SSBP4: variants seen among roughly 807,000 people sequenced by gnomAD.
SSBP4 encodes the protein single-stranded DNA-binding protein 4.
A neutral mutation model predicts 64.6 loss-of-function variants in SSBP4; 33 were observed. That is an observed-to-expected ratio of 0.51 (90% CI 0.39 to 0.68). The LOEUF is 0.68. Ranked by LOEUF, SSBP4 falls within the 30% of genes least tolerant of loss-of-function variation. SSBP4 has a pLI of 0.00. For synonymous variants in SSBP4, 243 were observed against 224.0 expected (o/e 1.08, Z -0.76); for missense variants, 583 against 566.8 (o/e 1.03, Z -0.29).
Position 18,423,562 on chromosome 19 carries a change from G to A in SSBP4, c.60-3789G>A, listed in dbSNP as rs948459172. Among the ~76,000 whole-genome samples the A allele has an allele frequency of 2.0e-5, 3 of 152,178 alleles. No homozygotes were observed. The highest frequency in any genetic ancestry group is 7.2e-5 in the African/African-American group (3 of 41,428). Reference sequence around the variant, plus strand: ...CCCAGCAGCATCTGTGTCTAGGAAGGCGCTGAGCAGGGAGCATCCATTGCA... The same window carrying A: ...CCCAGCAGCATCTGTGTCTAGGAAGACGCTGAGCAGGGAGCATCCATTGCA... On this transcript the variant is annotated intron_variant, in intron 1 of 17. Transcript: ENST00000270061. This position sits in a 1 kb window ranked among gnomAD's most constrained non-coding sequence, Gnocchi z 4.0.
At chr19:18,407,548 C>T in the SSBP4 span, among the ~76,000 whole-genome samples, 3 of 151,984 alleles carry the variant, frequency 2.0e-5, no homozygotes, top group Non-Finnish European at 4.4e-5. Context: ...TCCCAAGTAG[C>T]TGGGACTAGA....
chr19:18,419,615 G>T lies in SSBP4; in HGVS notation c.-34G>T. 7.9e-7 allele frequency: 1 copy of T among 1,262,310 alleles called. No individual in the cohort carries two copies. The highest frequency in any genetic ancestry group is 1.0e-6 in the Non-Finnish European group (1 of 998,490). 78.2% of individuals were successfully genotyped at this position (1,262,310 alleles called of 1,614,324 possible). ...GCGCGGCCCGCGGCGCCGCCTGACA[G>T]GTGTGGGCCCCGGCGGCGGCGGCGT... On this transcript the variant is annotated 5_prime_UTR_variant, in exon 1 of 18. The change creates a new upstream start codon in the 5' untranslated region. Coordinates refer to ENST00000270061, the MANE Select transcript of SSBP4 (RefSeq NM_032627.5).
the SSBP4 span, among the ~76,000 whole-genome samples, chr19:18,411,336 A>G: frequency 6.1e-5 from 9 of 147,092 alleles, no homozygotes; most frequent in Non-Finnish European, 1.1e-4. Flanking sequence ...CTACTAAAAA[A>G]ATACAAAAAG....
chr19:18,428,698 C>A (rs552759947), intron 4 of SSBP4, among the ~76,000 whole-genome samples: 13 of 152,158 alleles, frequency 8.5e-5, no homozygotes, highest in Non-Finnish European at 1.3e-4. Context: ...CCCCCTACCC[C>A]CTGTGCGCCA....
Position 18,433,743 on chromosome 19 carries a change from GC to G in SSBP4, c.1058del (p.Pro353ArgfsTer29). 2 of 1,435,072 alleles carry G rather than the reference GC, an allele frequency of 1.4e-6. No homozygotes were observed. Among genetic ancestry groups the G allele is most frequent in the South Asian group, 1.4e-5 (1 of 71,570 alleles). The allele number at this position is 1,435,072 out of a possible 1,614,324, so 88.9% of individuals were successfully genotyped here. On this transcript the variant is annotated frameshift_variant, in exon 17 of 18. Coordinates refer to ENST00000270061, the MANE Select transcript of SSBP4 (RefSeq NM_032627.5). LOFTEE classifies it high-confidence loss of function. ...CGGCGCCGTGGCCGGCCTGAGCAAC[GC>G]CCCGGGCACCCCGCGGGACGACGGC... The part of the protein sequence containing the change: ...SPGAVAGLSN[A>X]PGTPRDDGEM...
Position 18,419,702 on chromosome 19 carries a change from C to G in SSBP4, c.54C>G (p.Arg18=). The change falls in exon 1 of 18, where the codon CGC becomes CGG. Residue 18 remains arginine (R), a synonymous_variant. Transcript: ENST00000270061. ...CCGTGCCCTCCGACAGCCAGGCCCG[C>G]GAGAAGTGAGTGCGGGGCCGGGGGC... The part of the protein sequence containing the change: ...GSAVPSDSQA[R]EKLALYVYEY... 8.5e-7 allele frequency: 1 copy of G among 1,175,862 alleles called. No homozygotes were observed. Among genetic ancestry groups the G allele is most frequent in the Non-Finnish European group, 1.1e-6 (1 of 950,430 alleles). 72.8% of individuals were successfully genotyped at this position (1,175,862 alleles called of 1,614,324 possible). A position where few individuals can be genotyped will look rare whatever the true frequency, so the allele number is the denominator to read the frequency against.
the SSBP4 span, among the ~76,000 whole-genome samples, chr19:18,413,690 G>A: frequency 6.6e-6 from 1 of 152,194 alleles, no homozygotes; most frequent in Non-Finnish European, 1.5e-5. Context: ...TCCTGTCGGA[G>A]ACCTTAGGGA....
At chr19:18,417,358 C>T (rs2144656183), upstream of SSBP4, among the ~76,000 whole-genome samples, 1 of 152,268 alleles carries the variant, frequency 6.6e-6, no homozygotes, top group East Asian at 1.9e-4. The surrounding 1 kb of genome is among the most constrained non-coding windows in gnomAD (Gnocchi z 5.4). Context: ...TCACAGGGGG[C>T]GAGGGACCAA....
chr19:18,404,268 C>A, the SSBP4 span, among the ~76,000 whole-genome samples: 2 of 151,896 alleles, frequency 1.3e-5, no homozygotes, highest in African/African-American at 2.4e-5. Flanking sequence ...CTCAGAGACC[C>A]TCAGAGATCC....
At chr19:18,420,669 C>T (rs1972389278) in intron 1 of SSBP4, among the ~76,000 whole-genome samples, 1 of 151,920 alleles carries the variant, frequency 6.6e-6, no homozygotes, top group African/African-American at 2.4e-5. Flanking sequence ...ACAATCCTGG[C>T]CAACATGGTG....
At chr19:18,425,597 G>A (rs1284883086) in intron 1 of SSBP4, among the ~76,000 whole-genome samples, 1 of 150,424 alleles carries the variant, frequency 6.6e-6, no homozygotes, top group Non-Finnish European at 1.5e-5. Flanking sequence ...AGGTGGGCCT[G>A]CAGGCCGCCG....
At chr19:18,416,258 G>A (rs1600267772), upstream of SSBP4, among the ~76,000 whole-genome samples, 1 of 152,090 alleles carries the variant, frequency 6.6e-6, no homozygotes, top group South Asian at 2.1e-4. Flanking sequence ...GAGGTGATTC[G>A]CCCGCCTCAG....
At chr19:18,428,046 G>T in intron 4 of SSBP4, 64 bp downstream of exon 4, 2 of 1,525,430 alleles carry the variant, frequency 1.3e-6, no homozygotes, top group South Asian at 2.3e-5. Flanking sequence ...CTGTGGCTGG[G>T]GAGGTGGGGT....
intron 1 of SSBP4, chr19:18,420,108 G>A (rs960577362): frequency 2.0e-5 from 3 of 152,678 alleles, no homozygotes; most frequent in African/African-American, 4.8e-5. Context: ...CGAGGCTGCG[G>A]ACGCATGGGG....
upstream of SSBP4, among the ~76,000 whole-genome samples, chr19:18,415,696 A>G (rs749041002): frequency 6.6e-6 from 1 of 152,168 alleles, no homozygotes; most frequent in Non-Finnish European, 1.5e-5. Context: ...GCCAGAAGCC[A>G]GAGAAAAAGC....
chr19:18,432,710 C>A lies in SSBP4; in HGVS notation c.761C>A (p.Ser254Tyr). 3 of 1,578,878 alleles carry A rather than the reference C, an allele frequency of 1.9e-6. No homozygotes were observed. Among genetic ancestry groups the A allele is most frequent in the Non-Finnish European group, 2.6e-6 (3 of 1,158,062 alleles). The change falls in exon 12 of 18, where the codon TCC becomes TAC. Residue 254 changes from serine to tyrosine, a missense_variant. Physicochemically the swap from Ser to Tyr is moderately radical, Grantham distance 144. Transcript: ENST00000270061. Reference sequence around the variant, plus strand: ...TGCCCTTGTCCCCAGATCCCCTACTCCTCCTCATCCCCCGGCAGCTACACC... The same window carrying A: ...TGCCCTTGTCCCCAGATCCCCTACTACTCCTCATCCCCCGGCAGCTACACC... ...ASPSGNSIPYSSSSPGSYTGP... is the reference protein window; with the variant it reads ...ASPSGNSIPYYSSSPGSYTGP...
At chr19:18,417,721 G>A (rs977096389), upstream of SSBP4, among the ~76,000 whole-genome samples, 1 of 152,078 alleles carries the variant, frequency 6.6e-6, no homozygotes, top group African/African-American at 2.4e-5. This position sits in a 1 kb window ranked among gnomAD's most constrained non-coding sequence, Gnocchi z 5.4. Context: ...AGGGGCGGCC[G>A]GCTGGACAGG....
At chr19:18,431,952 C>A (rs757139976) in intron 8 of SSBP4, 48 bp from the exon 9 acceptor site, 4 of 1,555,974 alleles carry the variant, frequency 2.6e-6, no homozygotes, top group Non-Finnish European at 3.5e-6. Context: ...ACTGTCCACA[C>A]TGGGGAATGG....
rs1568344758 is a variant in SSBP4, at chr19:18,423,233, T to C, written c.59+3526T>C. ...GGTGTTGCCTGGCAGCTCGTGGGTT[T>C]CTCCCGGGCTTGATTTTGAGCCGGC... On this transcript the variant is annotated intron_variant, in intron 1 of 17. Transcript: ENST00000270061. The surrounding 1 kb of genome is among the most constrained non-coding windows in gnomAD (Gnocchi z 4.0). 1.3e-5 allele frequency among the ~76,000 whole-genome samples: 2 copies of C among 152,138 alleles called. No individual in the cohort carries two copies. Among genetic ancestry groups the C allele is most frequent in the Non-Finnish European group, 2.9e-5 (2 of 68,032 alleles).
Sources: gnomAD v4.1 joint callset for allele counts (sites outside exome capture counted in the v4.1 genomes callset) on GRCh38, gnomAD v4.1.1 for gene constraint, Gnocchi (gnomAD v3.1) non-coding constraint, MANE v1.5 for transcripts, NCBI Gene and HGNC (gene_info 2026-07-23, HGNC 2026-07-21) for gene names.